Variants in MRTFA observed in about 807,000 individuals in gnomAD.
The protein encoded by MRTFA is myocardin related transcription factor A, also known as myocardin-related transcription factor A.
MRTFA carries 20 observed loss-of-function variants against 83.5 expected under a neutral mutation model. The ratio of observed to expected loss-of-function variants is 0.24; its 90% CI spans 0.17 to 0.35. The LOEUF is 0.35. MRTFA is among the 10% of genes least tolerant of loss of function. The pLI, the probability that MRTFA is intolerant of heterozygous loss-of-function variation, is 1.00. For missense variants in MRTFA, 1,200 were observed against 1,224.7 expected, an observed-to-expected ratio of 0.98 and a Z score of 0.30; for synonymous variants, 659 against 541.2, an observed-to-expected ratio of 1.22 and a Z score of -3.02.
intron 3 of MRTFA, among the ~76,000 whole-genome samples, chr22:40,478,035 A>G (rs1184945692): frequency 6.6e-6 from 1 of 152,170 alleles, no homozygotes; most frequent in African/African-American, 2.4e-5. Flanking sequence ...ATTCTAAGCT[A>G]TCAATACCAA....
intron 2 of MRTFA, among the ~76,000 whole-genome samples, chr22:40,592,616 G>C (rs991745605): frequency 4.0e-5 from 6 of 151,650 alleles, no homozygotes; most frequent in African/African-American, 1.5e-4. Flanking sequence ...AGCCTCTCTA[G>C]CAAATGGGAC....
intron 4 of MRTFA, among the ~76,000 whole-genome samples, chr22:40,453,512 T>A (rs1261419060): frequency 6.6e-6 from 1 of 152,074 alleles, no homozygotes; most frequent in Non-Finnish European, 1.5e-5. Flanking sequence ...GGGGCAGCAG[T>A]TGAGAGATGA....
intron 1 of MRTFA, among the ~76,000 whole-genome samples, chr22:40,606,220 AG>A (rs2056317441): frequency 2.0e-5 from 3 of 152,352 alleles, no homozygotes; most frequent in African/African-American, 4.8e-5. Flanking sequence ...ATAAATTTCT[AG>A]TAGTGTTTGT....
At chr22:40,525,118 C>T (rs1280652804) in intron 3 of MRTFA, among the ~76,000 whole-genome samples, 1 of 152,002 alleles carries the variant, frequency 6.6e-6, no homozygotes, top group Non-Finnish European at 1.5e-5. Context: ...CCAACATAAG[C>T]TTTATTGGAA....
chr22:40,493,556 AAG>A, intron 3 of MRTFA, among the ~76,000 whole-genome samples: 1 of 152,318 alleles, frequency 6.6e-6, no homozygotes, highest in South Asian at 2.1e-4. Context: ...AGGAAAATGA[AAG>A]AGGAAAAATT....
In MRTFA at chr22:40,505,623, T is replaced by A. The variant is rs372261835; in HGVS notation, c.242-42337A>T. ...GGAGGTGAGGCCTTTAAAAGATGAT[T>A]AGGCTATGAGGGAACCTCCCTCATG... On this transcript the variant is annotated intron_variant, in intron 3 of 14. Transcript: ENST00000355630. Among the ~76,000 whole-genome samples the A allele has an allele frequency of 1.4e-4, 22 of 152,348 alleles. No individual in the cohort carries two copies. In the South Asian group the frequency reaches 1.7e-3, roughly 11 times the overall value.
At chr22:40,592,732 AT>A (rs2056140030) in intron 2 of MRTFA, among the ~76,000 whole-genome samples, 1 of 152,054 alleles carries the variant, frequency 6.6e-6, no homozygotes, top group Non-Finnish European at 1.5e-5. Flanking sequence ...GATTCAAGCA[AT>A]TCATCCACCT....
chr22:40,536,226 C>T (rs920663420), intron 3 of MRTFA, among the ~76,000 whole-genome samples: 2 of 151,828 alleles, frequency 1.3e-5, no homozygotes, highest in Non-Finnish European at 2.9e-5. Context: ...TCACTTGGGC[C>T]CAGGAGTTCC....
intron 2 of MRTFA, chr22:40,587,672 C>T (rs925276382): frequency 1.2e-5 from 4 of 321,758 alleles, no homozygotes; most frequent in African/African-American, 6.7e-5. Flanking sequence ...ACAGTGCCAA[C>T]AGTGCCAGGT....
chr22:40,519,174 T>C lies in MRTFA; in HGVS notation c.241+32932A>G, dbSNP rs746667610. On this transcript the variant is annotated intron_variant, in intron 3 of 14. Transcript: ENST00000355630. ...TCTAATCTGTGCTTAAGGGAAACAATAAAAAAGATGTGTCCACCTGTGAGG... is the reference window on the plus strand; with the variant it reads ...TCTAATCTGTGCTTAAGGGAAACAACAAAAAAGATGTGTCCACCTGTGAGG... Among the ~76,000 whole-genome samples, 39 of 151,968 alleles carry C rather than the reference T, an allele frequency of 2.6e-4. 1 individual carries two copies. Among genetic ancestry groups the C allele is most frequent in the Non-Finnish European group, 1.9e-4 (13 of 67,976 alleles).
intron 1 of MRTFA, among the ~76,000 whole-genome samples, chr22:40,636,217 T>TG (rs2056696890): frequency 6.6e-6 from 1 of 152,084 alleles, no homozygotes; most frequent in Admixed American, 6.5e-5. Flanking sequence ...AGCACAGCCC[T>TG]GCCAGGCAGT....
At chr22:40,592,448 TCTTAA>T (rs1402062730) in intron 2 of MRTFA, among the ~76,000 whole-genome samples, 2 of 147,856 alleles carry the variant, frequency 1.4e-5, no homozygotes, top group Admixed American at 1.3e-4. Flanking sequence ...AGACCCTGTC[TCTTAA>T]CTTAAAAAAA....
At chr22:40,486,679 T>G (rs2054179526) in intron 3 of MRTFA, among the ~76,000 whole-genome samples, 1 of 152,206 alleles carries the variant, frequency 6.6e-6, no homozygotes, top group Admixed American at 6.5e-5. Flanking sequence ...ACGAACACTT[T>G]AAGTTCGTAT....
At chr22:40,541,503 G>A (rs982499726) in intron 3 of MRTFA, among the ~76,000 whole-genome samples, 5 of 152,114 alleles carry the variant, frequency 3.3e-5, no homozygotes, top group African/African-American at 1.2e-4. Flanking sequence ...CAGCATGCAG[G>A]CAAGTTGCTA....
chr22:40,619,428 G>T (rs1461225231), intron 1 of MRTFA, among the ~76,000 whole-genome samples: 1 of 152,154 alleles, frequency 6.6e-6, no homozygotes, highest in Non-Finnish European at 1.5e-5. Flanking sequence ...TTTTACAGTA[G>T]CAGAAAGGTT....
Position 40,563,730 on chromosome 22 carries a change from C to T in MRTFA, c.-21-11363G>A, listed in dbSNP as rs73422632. On this transcript the variant is annotated intron_variant, in intron 2 of 14. Coordinates refer to ENST00000355630, the MANE Select transcript of MRTFA (RefSeq NM_020831.6). Reference sequence around the variant, plus strand: ...GGTGCTGTCTGGGTATTGAGGATTACAGTAAATAAAACAAAGTTCTTGCCC... The same window carrying T: ...GGTGCTGTCTGGGTATTGAGGATTATAGTAAATAAAACAAAGTTCTTGCCC... Among the ~76,000 whole-genome samples the T allele has an allele frequency of 4.6e-3, 696 of 152,216 alleles. 6 individuals carry two copies. Among genetic ancestry groups the T allele is most frequent in the African/African-American group, 0.016 (666 of 41,540 alleles).
intron 3 of MRTFA, among the ~76,000 whole-genome samples, chr22:40,482,684 G>A (rs1426373675): frequency 2.0e-5 from 3 of 152,094 alleles, no homozygotes; most frequent in Non-Finnish European, 4.4e-5. Flanking sequence ...CATTCACTGA[G>A]AAAATATGGG....
chr22:40,533,474 C>T (rs936824221), intron 3 of MRTFA: 7 of 487,372 alleles, frequency 1.4e-5, no homozygotes, highest in African/African-American at 1.4e-4. Context: ...TTCTTCCTCC[C>T]CATTTCTGTC....
intron 3 of MRTFA, among the ~76,000 whole-genome samples, chr22:40,474,249 A>T (rs2053957544): frequency 6.6e-6 from 1 of 152,222 alleles, no homozygotes; most frequent in Non-Finnish European, 1.5e-5. Context: ...ATCAATGACA[A>T]CAAACAAATA....
Sources: allele counts gnomAD v4.1 joint callset (sites outside exome capture counted in the v4.1 genomes callset), GRCh38; gene constraint gnomAD v4.1.1; transcripts MANE v1.5; gene names NCBI Gene and HGNC (gene_info 2026-07-23, HGNC 2026-07-21).